PTPRD: variants seen among roughly 807,000 people sequenced by gnomAD.
The protein encoded by PTPRD is receptor-type tyrosine-protein phosphatase delta.
A neutral mutation model predicts 214.5 loss-of-function variants in PTPRD; 34 were observed. The ratio of observed to expected loss-of-function variants is 0.16; its 90% confidence interval spans 0.12 to 0.21. PTPRD has a LOEUF of 0.21. Ranked by LOEUF, PTPRD falls within the 10% of genes least tolerant of loss-of-function variation. The pLI is 1.00. For missense variants in PTPRD, 2,545 were observed against 2,398.7 expected (o/e 1.06, Z -1.27); for synonymous variants, 1,128 against 845.7 (o/e 1.33, Z -5.79).
chr9:9,138,712 A>G (rs1272765902), intron 10 of PTPRD, among the ~76,000 whole-genome samples: 1 of 152,192 alleles, frequency 6.6e-6, no homozygotes, highest in Non-Finnish European at 1.5e-5. Context: ...AATTTATGCT[A>G]CACATTTTAA....
At chr9:10,063,227 C>T (rs1215930619) in intron 3 of PTPRD, among the ~76,000 whole-genome samples, 3 of 152,034 alleles carry the variant, frequency 2.0e-5, no homozygotes, top group Non-Finnish European at 4.4e-5. Flanking sequence ...CCACTTCTGT[C>T]AACGTTTTAA....
At chr9:9,631,601 G>T (rs1047550352) in intron 7 of PTPRD, among the ~76,000 whole-genome samples, 1 of 152,100 alleles carries the variant, frequency 6.6e-6, no homozygotes, top group Non-Finnish European at 1.5e-5. Context: ...AAGTCAAGTA[G>T]GTTCAGCCTA....
At chr9:8,719,324 C>G (rs528140649) in intron 12 of PTPRD, among the ~76,000 whole-genome samples, 9 of 152,178 alleles carry the variant, frequency 5.9e-5, no homozygotes, top group Non-Finnish European at 8.8e-5. Flanking sequence ...AGGTTAAGCG[C>G]CATTAGACAT....
chr9:9,302,531 C>A (rs1432599438), intron 9 of PTPRD, among the ~76,000 whole-genome samples: 2 of 151,572 alleles, frequency 1.3e-5, no homozygotes, highest in Admixed American at 6.6e-5. Context: ...GTTCCGCCTT[C>A]CCCACTCTCC....
At chr9:9,695,580 A>G (rs907162155) in intron 7 of PTPRD, among the ~76,000 whole-genome samples, 8 of 152,076 alleles carry the variant, frequency 5.3e-5, no homozygotes, top group Non-Finnish European at 7.4e-5. Context: ...TGTTCCTTTT[A>G]TACCCAGTTT....
intron 6 of PTPRD, among the ~76,000 whole-genome samples, chr9:9,735,458 T>C (rs2098276063): frequency 6.6e-6 from 1 of 152,096 alleles, no homozygotes; most frequent in Non-Finnish European, 1.5e-5. Context: ...ACGGTAAGTG[T>C]GAAAGGAGTT....
chr9:8,621,831 T>C (rs903646942), intron 14 of PTPRD, among the ~76,000 whole-genome samples: 1 of 151,896 alleles, frequency 6.6e-6, no homozygotes, highest in African/African-American at 2.4e-5. Flanking sequence ...AAAAGGCTCT[T>C]TAGGATACAG....
At position 9,090,903 on chromosome 9, in the gene PTPRD, A is replaced by T. The variant is rs1173672360; in HGVS notation, c.-142-72168T>A. The stretch of plus-strand genomic sequence containing the variant: ...CTCCGGTCCGTGCCTCCAAGATGAC[A>T]AAGAAAAGAAGGAACAATGGTCGTG... On this transcript the variant is annotated intron_variant, in intron 10 of 45. Coordinates refer to ENST00000381196, the MANE Select transcript of PTPRD (RefSeq NM_002839.4). 3 of 1,416,744 alleles carry T rather than the reference A, an allele frequency of 2.1e-6. No homozygotes were observed. The African/African-American group carries it at 4.2e-5, about 20-fold the overall frequency. 87.8% of individuals were successfully genotyped at this position (1,416,744 alleles called of 1,614,324 possible).
chr9:9,865,910 T>C (rs2063831617), intron 5 of PTPRD, among the ~76,000 whole-genome samples: 1 of 152,078 alleles, frequency 6.6e-6, no homozygotes, highest in Non-Finnish European at 1.5e-5. Flanking sequence ...TGGCTTCCAA[T>C]TGTCCACAGA....
chr9:8,351,266 A>G lies in PTPRD; in HGVS notation c.4662-9288T>C, dbSNP rs77069276. On this transcript the variant is annotated intron_variant, in intron 39 of 45. Transcript: ENST00000381196. Reference sequence around the variant, plus strand: ...ACATTGTTTTAAAAGTCCATTCAGGATTACATATCTCTATTTGTACACATG... The same window carrying G: ...ACATTGTTTTAAAAGTCCATTCAGGGTTACATATCTCTATTTGTACACATG... Among the ~76,000 whole-genome samples the G allele has an allele frequency of 8.1e-3, 1,239 of 152,270 alleles. 16 individuals are homozygous for G. The highest frequency in any genetic ancestry group is 0.027 in the African/African-American group (1,125 of 41,544).
chr9:9,570,064 T>G (rs2085884686), intron 8 of PTPRD, among the ~76,000 whole-genome samples: 1 of 151,544 alleles, frequency 6.6e-6, no homozygotes, highest in South Asian at 2.1e-4. Flanking sequence ...GAACTGCACT[T>G]TAACAATTCT....
chr9:10,594,814 C>T (rs969647884), intron 2 of PTPRD, among the ~76,000 whole-genome samples: 4 of 151,850 alleles, frequency 2.6e-5, no homozygotes, highest in Non-Finnish European at 4.4e-5. Context: ...GTCCTTGCAC[C>T]GAAGTGTAGA....
At chr9:8,450,131 G>A (rs867037631) in intron 33 of PTPRD, among the ~76,000 whole-genome samples, 9 of 152,118 alleles carry the variant, frequency 5.9e-5, no homozygotes, top group African/African-American at 1.9e-4. Context: ...AGATACGCAT[G>A]GACCCTTATT....
intron 11 of PTPRD, among the ~76,000 whole-genome samples, chr9:8,943,794 T>G (rs998737987): frequency 6.6e-6 from 1 of 151,122 alleles, no homozygotes; most frequent in South Asian, 2.1e-4. Context: ...CTTCAAACTA[T>G]GAAACCACTA....
chr9:9,357,725 A>ACC (rs5896321), intron 9 of PTPRD, among the ~76,000 whole-genome samples: 1 of 150,654 alleles, frequency 6.6e-6, no homozygotes, highest in Admixed American at 6.7e-5. Context: ...AAAAAAAAAA[A>ACC]ATGACACAGT....
intron 12 of PTPRD, among the ~76,000 whole-genome samples, chr9:8,707,070 G>C (rs1458717492): frequency 6.6e-6 from 1 of 152,168 alleles, no homozygotes; most frequent in Non-Finnish European, 1.5e-5. Flanking sequence ...GACTAATTAA[G>C]ATAATGAACA....
At chr9:8,490,693 A>C (rs1011931837) in intron 27 of PTPRD, among the ~76,000 whole-genome samples, 1 of 152,226 alleles carries the variant, frequency 6.6e-6, no homozygotes, top group South Asian at 2.1e-4. Flanking sequence ...GCATTGAAAC[A>C]TAAGAGCCAA....
At chr9:8,382,742 T>G (rs1161742301) in intron 37 of PTPRD, among the ~76,000 whole-genome samples, 1 of 152,186 alleles carries the variant, frequency 6.6e-6, no homozygotes, top group Non-Finnish European at 1.5e-5. Context: ...TATCCACCAC[T>G]TTCAAAAACA....
At chr9:10,608,918 TA>T (rs1397090988) in intron 2 of PTPRD, among the ~76,000 whole-genome samples, 2 of 152,028 alleles carry the variant, frequency 1.3e-5, no homozygotes, top group Non-Finnish European at 2.9e-5. Context: ...TTGACAATCC[TA>T]AAAAAATAAA....
Sources: allele counts gnomAD v4.1 joint callset (sites outside exome capture counted in the v4.1 genomes callset), GRCh38; gene constraint gnomAD v4.1.1; transcripts MANE v1.5; gene names NCBI Gene and HGNC (gene_info 2026-07-23, HGNC 2026-07-21).